The following JAK1 variants were observed in gnomAD, a reference collection of about 807,000 sequenced individuals.
The protein encoded by JAK1 is Janus kinase 1, also known as tyrosine-protein kinase JAK1.
Under a neutral mutation model 136.6 loss-of-function variants are expected in JAK1, and 16 were observed. The observed-to-expected ratio is 0.12, with a 90% CI of 0.08 to 0.18. The LOEUF is 0.18. JAK1 is among the 10% of genes least tolerant of loss of function. The probability of loss-of-function intolerance (pLI) is 1.00; values close to 1 mark genes in which losing one functional copy is unlikely to be tolerated. For missense variants in JAK1, 859 were observed against 1,450.1 expected (o/e 0.59, Z 6.62); for synonymous variants, 492 against 519.5 (o/e 0.95, Z 0.72).
At chr1:64,921,404 T>C (rs1343119959) in intron 1 of JAK1, among the ~76,000 whole-genome samples, 1 of 152,160 alleles carries the variant, frequency 6.6e-6, no homozygotes, top group African/African-American at 2.4e-5. Context: ...GCATAACAAC[T>C]ATCCTTCAGG....
At chr1:64,904,979 A>G (rs1054937766) in intron 1 of JAK1, among the ~76,000 whole-genome samples, 3 of 152,208 alleles carry the variant, frequency 2.0e-5, no homozygotes, top group African/African-American at 4.8e-5. Flanking sequence ...TTCTGATAAA[A>G]CAGGTAGGCA....
intron 1 of JAK1, among the ~76,000 whole-genome samples, chr1:64,958,893 G>C (rs1646236591): frequency 6.6e-6 from 1 of 152,134 alleles, no homozygotes; most frequent in Non-Finnish European, 1.5e-5. Flanking sequence ...CATTACAAAT[G>C]GTTCTTAGCT....
At chr1:64,869,959 G>A (rs1254869539) in intron 5 of JAK1, among the ~76,000 whole-genome samples, 3 of 152,170 alleles carry the variant, frequency 2.0e-5, no homozygotes, top group Admixed American at 2.0e-4. Context: ...ATCACCACAT[G>A]TACATTTTCC....
intron 1 of JAK1, among the ~76,000 whole-genome samples, chr1:64,947,005 T>G (rs1188296970): frequency 6.6e-6 from 1 of 151,916 alleles, no homozygotes; most frequent in Non-Finnish European, 1.5e-5. Context: ...GTAGCCAGAG[T>G]AGTCAAATCC....
intron 2 of JAK1, chr1:64,994,870 T>C (rs1044064033): frequency 6.6e-6 from 1 of 151,332 alleles, no homozygotes; most frequent in African/African-American, 2.4e-5. Context: ...AGTCTCTAAA[T>C]TAGGATAATA....
chr1:64,962,790 AGGCGCGGT>A (rs1258963065), intron 1 of JAK1, among the ~76,000 whole-genome samples: 1 of 152,176 alleles, frequency 6.6e-6, no homozygotes, highest in Non-Finnish European at 1.5e-5. Flanking sequence ...GAACCAGGCC[AGGCGCGGT>A]GGCTCACGCC....
rs755406627 is a variant in JAK1, at chr1:64,850,830, G to T, written c.1729C>A (p.Arg577=). ...VYPMSQLSFD[R]ILKKDLVQGE... ...TGCACCAGATCCTTCTTGAGGATCC[G>T]ATCGAAACTCAGCTGGCTCATGGGG... is the stretch of plus-strand genomic sequence containing the variant. Residue 577 remains arginine (R), a synonymous_variant, in exon 12 of 25, where the codon CGG becomes AGG. Transcript: ENST00000342505. 13 of 1,613,880 alleles carry T rather than the reference G, an allele frequency of 8.1e-6. No individual in the cohort carries two copies. In the East Asian group the frequency reaches 2.9e-4, roughly 36 times the overall value.
intron 20 of JAK1, 98 bp from the exon 21 acceptor site, chr1:64,838,687 G>A: frequency 5.1e-6 from 6 of 1,177,568 alleles, no homozygotes; most frequent in African/African-American, 1.5e-5. Flanking sequence ...CTGAGGTGAC[G>A]CCAGCTTCGC....
At chr1:65,041,170 G>A (rs1026678738) in intron 2 of JAK1, among the ~76,000 whole-genome samples, 22 of 152,186 alleles carry the variant, frequency 1.4e-4, no homozygotes, top group African/African-American at 5.3e-4. Context: ...CTGTCGCACG[G>A]GTCGGAGCAG....
rs186453097 is a variant in JAK1, at chr1:65,058,827, T to C, written c.-181+8777A>G. 1.1e-3 allele frequency among the ~76,000 whole-genome samples: 175 copies of C among 152,336 alleles called. 1 individual carries two copies. The highest frequency in any genetic ancestry group is 3.8e-3 in the African/African-American group (157 of 41,588). On this transcript the variant is annotated intron_variant, in intron 1 of 25. Transcript: ENST00000671954. ...CATATTTCACAGCTTATCTCTTCCATGCATGGATTCACTGACTGTGCCTCC... is the reference window on the plus strand; with the variant it reads ...CATATTTCACAGCTTATCTCTTCCACGCATGGATTCACTGACTGTGCCTCC...
chr1:64,856,121 A>C (rs991762368), intron 10 of JAK1, among the ~76,000 whole-genome samples: 1 of 152,222 alleles, frequency 6.6e-6, no homozygotes, highest in African/African-American at 2.4e-5. Context: ...ATGATGGCAC[A>C]ACTTCTCAAG....
In JAK1 at chr1:64,871,207, G is replaced by T. The variant is rs935832814; in HGVS notation, c.484-1733C>A. ...CTGTTGTCTCTATGGCAGTTCTAAG[G>T]CATAGATGGAATGGAGATAATGGAC... On this transcript the variant is annotated intron_variant, in intron 5 of 24. Coordinates refer to ENST00000342505, the MANE Select transcript of JAK1 (RefSeq NM_002227.4). Among the ~76,000 whole-genome samples the T allele has an allele frequency of 2.6e-5, 4 of 152,108 alleles. No individual in the cohort carries two copies. The South Asian group carries it at 8.3e-4, about 32-fold the overall frequency.
chr1:64,834,521 G>C lies in JAK1; in HGVS notation c.*41C>G. On this transcript the variant is annotated 3_prime_UTR_variant, in exon 25 of 25. Coordinates refer to ENST00000342505, the MANE Select transcript of JAK1 (RefSeq NM_002227.4). ...GACTTGGGCATTTGTTGCAGGAGAA[G>C]GACTTGATAATCTGTGGAATTTAAA... 7.6e-7 allele frequency: 1 copy of C among 1,309,492 alleles called. No homozygotes were observed. The highest frequency in any genetic ancestry group is 1.1e-6 in the Non-Finnish European group (1 of 909,512). 81.1% of individuals were successfully genotyped at this position (1,309,492 alleles called of 1,614,324 possible). A position where few individuals can be genotyped will look rare whatever the true frequency, so the allele number is the denominator to read the frequency against.
At chr1:64,868,618 G>A (rs1163054789) in intron 6 of JAK1, among the ~76,000 whole-genome samples, 2 of 152,160 alleles carry the variant, frequency 1.3e-5, no homozygotes, top group African/African-American at 2.4e-5. Context: ...CAAGCGCAAG[G>A]AGAAACAAGC....
intron 1 of JAK1, among the ~76,000 whole-genome samples, chr1:64,926,337 C>T (rs1234039433): frequency 2.0e-5 from 3 of 151,956 alleles, no homozygotes; most frequent in Non-Finnish European, 1.5e-5. Flanking sequence ...GACTCCTGCC[C>T]ATTTTTCCAG....
Position 64,918,485 on chromosome 1 carries a change from TC to T in JAK1, c.-77-32145del, listed in dbSNP as rs1645437461. ...GGTCAGGCCAAGGAACTGAGTTTGA[TC>T]CCCCTCTTTGTATTTAATGGAGCTA... On this transcript the variant is annotated intron_variant, in intron 1 of 24. Coordinates refer to ENST00000342505, the MANE Select transcript of JAK1 (RefSeq NM_002227.4). The T allele has an allele frequency of 7.1e-5, 11 of 154,396 alleles. No homozygotes were observed. The Admixed American group carries it at 7.1e-4, about 10-fold the overall frequency. 9.6% of individuals were successfully genotyped at this position (154,396 alleles called of 1,614,324 possible).
chr1:64,948,571 T>C (rs1286075660), intron 1 of JAK1, among the ~76,000 whole-genome samples: 1 of 152,214 alleles, frequency 6.6e-6, no homozygotes, highest in Non-Finnish European at 1.5e-5. Context: ...AGGAATACTA[T>C]CCATGTGAAA....
intron 2 of JAK1, 117 bp from the exon 3 acceptor site, chr1:64,883,592 G>A (rs1325121448): frequency 2.7e-5 from 20 of 753,080 alleles, no homozygotes; most frequent in South Asian, 5.3e-5. Flanking sequence ...TATTGGATAC[G>A]TACCTCTCCC....
intron 1 of JAK1, among the ~76,000 whole-genome samples, chr1:65,056,943 A>G (rs1037301011): frequency 2.0e-5 from 3 of 151,006 alleles, no homozygotes; most frequent in Non-Finnish European, 4.4e-5. Flanking sequence ...AAAAAAAAAA[A>G]AAGTCACAAA....
Sources: allele counts gnomAD v4.1 joint callset (sites outside exome capture counted in the v4.1 genomes callset), GRCh38; gene constraint gnomAD v4.1.1; transcripts MANE v1.5; gene names NCBI Gene and HGNC (gene_info 2026-07-23, HGNC 2026-07-21).